The following INPP5B variants were observed in gnomAD, a reference collection of about 807,000 sequenced individuals.
The protein encoded by INPP5B is inositol polyphosphate-5-phosphatase B.
Under a neutral mutation model 118.5 loss-of-function variants are expected in INPP5B, and 90 were observed. The observed-to-expected ratio is 0.76, with a 90% CI of 0.64 to 0.90. The LOEUF (loss-of-function observed/expected upper bound fraction) is 0.90, where lower values mean the gene tolerates loss of function less well. Among genes scored for constraint, INPP5B ranks in the 40% least tolerant of loss-of-function variants. INPP5B has a pLI of 0.00. For missense variants in INPP5B, 984 were observed against 1,125.6 expected (o/e 0.87, Z 1.80); for synonymous variants, 385 against 418.9 (o/e 0.92, Z 0.99).
At chr1:37,864,496 A>G in intron 22 of INPP5B, 73 bp from the exon 23 acceptor site, 1 of 839,756 alleles carries the variant, frequency 1.2e-6, no homozygotes. Context: ...TAGTCCAAGA[A>G]CTGTATACAC....
At chr1:37,932,609 C>T (rs1645532920) in intron 6 of INPP5B, among the ~76,000 whole-genome samples, 1 of 152,068 alleles carries the variant, frequency 6.6e-6, no homozygotes, top group Non-Finnish European at 1.5e-5. Flanking sequence ...CCTCATGATC[C>T]ACCTGCCTCG....
intron 7 of INPP5B, among the ~76,000 whole-genome samples, chr1:37,927,491 C>T (rs1015233220): frequency 4.6e-5 from 7 of 151,998 alleles, no homozygotes; most frequent in Non-Finnish European, 1.0e-4. Context: ...AACCTGAAGA[C>T]GTGGATTCCA....
In INPP5B at chr1:37,862,303, GGAGA is replaced by G; in HGVS notation, c.*8_*11del. 6.4e-7 allele frequency: 1 copy of G among 1,562,184 alleles called. No individual in the cohort carries two copies. Among genetic ancestry groups the G allele is most frequent in the Non-Finnish European group, 8.8e-7 (1 of 1,133,080 alleles). On this transcript the variant is annotated 3_prime_UTR_variant, in exon 24 of 24. Coordinates refer to ENST00000373024, the MANE Select transcript of INPP5B (RefSeq NM_005540.3). ...ATTGGCAGCCTCAAGTAAAATAGGA[GGAGA>G]GAGAGGCTCAGAGTGGGTTGCAGAG... is the stretch of plus-strand genomic sequence containing the variant.
At chr1:37,889,924 T>C (rs1643745515) in intron 8 of INPP5B, among the ~76,000 whole-genome samples, 200 bp from the exon 9 acceptor site, 1 of 152,218 alleles carries the variant, frequency 6.6e-6, no homozygotes, top group Non-Finnish European at 1.5e-5. Context: ...TATAATATGT[T>C]GGTCTGGAGA....
At chr1:37,924,605 C>T (rs72919781) in intron 7 of INPP5B, among the ~76,000 whole-genome samples, 6,790 of 152,116 alleles carry the variant, frequency 0.045, 347 homozygotes, top group East Asian at 0.22. Flanking sequence ...TTGAGACACA[C>T]GTTTAATATC....
At chr1:37,918,259 T>G (rs1644940159) in intron 7 of INPP5B, among the ~76,000 whole-genome samples, 1 of 152,156 alleles carries the variant, frequency 6.6e-6, no homozygotes, top group Non-Finnish European at 1.5e-5. Flanking sequence ...AAACTCTGAT[T>G]TCATCTCTCT....
intron 7 of INPP5B, among the ~76,000 whole-genome samples, chr1:37,896,164 C>A (rs563649085): frequency 1.0e-4 from 15 of 146,462 alleles, no homozygotes; most frequent in African/African-American, 3.7e-4. Context: ...TCTGCCCTGC[C>A]GCCCCGTCCG....
At chr1:37,870,050 A>G (rs1642315422) in intron 19 of INPP5B, 1 of 152,156 alleles carries the variant, frequency 6.6e-6, no homozygotes, top group South Asian at 2.1e-4. Context: ...CAAAAGAATA[A>G]TATCATTGAC....
chr1:37,898,887 A>G (rs1386535849), intron 7 of INPP5B, among the ~76,000 whole-genome samples: 1 of 152,104 alleles, frequency 6.6e-6, no homozygotes, highest in Non-Finnish European at 1.5e-5. Flanking sequence ...AGTGGTATCT[A>G]TAAGACTAAA....
In INPP5B at chr1:37,940,771, G is replaced by A. The variant is rs774931776; in HGVS notation, c.308C>T (p.Thr103Ile). ...LGSDVTVQLD[T>I]AELSLVFQLP... is the part of the protein sequence containing the mutation. ...TTGGAATACGAGGCTAAGCTCTGCT[G>A]TGTCCAGCTGGACGGTCACATCTGA... The change falls in exon 6 of 24, where the codon ACA (threonine) becomes ATA (isoleucine). Residue 103 changes from threonine (T) to isoleucine (I), a missense_variant. By Grantham distance (89) the Thr-to-Ile change is moderately conservative (BLOSUM62 -1). Around this residue, in one of 2 missense-constraint regions of INPP5B, gnomAD observed 350 missense variants for 334.6 expected, o/e 1.05. Coordinates refer to ENST00000373024, the MANE Select transcript of INPP5B (RefSeq NM_005540.3). 1.2e-6 allele frequency: 2 copies of A among 1,613,832 alleles called. No homozygotes were observed. The highest frequency in any genetic ancestry group is 1.7e-5 in the Admixed American group (1 of 59,988).
At chr1:37,889,862 A>G (rs890532914) in intron 8 of INPP5B, 138 bp from the exon 9 acceptor site, 5 of 569,758 alleles carry the variant, frequency 8.8e-6, no homozygotes, top group South Asian at 5.2e-5. Flanking sequence ...TTTATCTACT[A>G]AAACAACACT....
chr1:37,880,580 G>C (rs955152578), intron 14 of INPP5B, among the ~76,000 whole-genome samples: 1 of 152,104 alleles, frequency 6.6e-6, no homozygotes, highest in African/African-American at 2.4e-5. Context: ...TGGGATTACA[G>C]GCGCATGCCA....
chr1:37,868,098 A>G (rs1642158785), intron 20 of INPP5B, among the ~76,000 whole-genome samples: 1 of 152,072 alleles, frequency 6.6e-6, no homozygotes, highest in South Asian at 2.1e-4. Flanking sequence ...GCACTTTGGG[A>G]GGCCAAGGTG....
chr1:37,933,237 A>T (rs1043887372), intron 6 of INPP5B, among the ~76,000 whole-genome samples: 1 of 152,220 alleles, frequency 6.6e-6, no homozygotes, highest in Non-Finnish European at 1.5e-5. Flanking sequence ...TTGTATAAAT[A>T]AAAAAGCCAA....
intron 14 of INPP5B, among the ~76,000 whole-genome samples, chr1:37,882,042 C>G (rs1478633429): frequency 6.6e-6 from 1 of 150,556 alleles, no homozygotes; most frequent in Admixed American, 6.6e-5. Flanking sequence ...GAGGTTGCAG[C>G]GAGCTGAGGT....
At chr1:37,879,940 T>C in intron 15 of INPP5B, 145 bp downstream of exon 15, 1 of 493,038 alleles carries the variant, frequency 2.0e-6, no homozygotes, top group Non-Finnish European at 3.7e-6. Flanking sequence ...GAGCAGATAC[T>C]GAGAGAAAAT....
intron 13 of INPP5B, 78 bp downstream of exon 13, chr1:37,885,560 G>C (rs551652047): frequency 7.9e-7 from 1 of 1,258,234 alleles, no homozygotes; most frequent in African/African-American, 1.5e-5. Flanking sequence ...CCACCACCAG[G>C]CATCTCCCCA....
At chr1:37,886,288 G>A (rs1336388858) in intron 12 of INPP5B, among the ~76,000 whole-genome samples, 1 of 148,650 alleles carries the variant, frequency 6.7e-6, no homozygotes, top group East Asian at 2.0e-4. Context: ...AAAAAAAGAA[G>A]GCAGAATGAC....
chr1:37,902,413 C>T (rs982401187), intron 7 of INPP5B, among the ~76,000 whole-genome samples: 4 of 152,178 alleles, frequency 2.6e-5, no homozygotes, highest in Admixed American at 6.5e-5. Context: ...TCCTCCAATT[C>T]CATTCTGCCA....
Sources: allele counts gnomAD v4.1 joint callset (sites outside exome capture counted in the v4.1 genomes callset), GRCh38; gene constraint gnomAD v4.1.1; regional missense constraint gnomAD v4.1.1; transcripts MANE v1.5; gene names NCBI Gene and HGNC (gene_info 2026-07-23, HGNC 2026-07-21).